Variants in NBAS observed in about 807,000 individuals in gnomAD.
NBAS encodes NAG/BC035112 fusion.
A neutral mutation model predicts 302.5 loss-of-function variants in NBAS; 219 were observed. The observed-to-expected ratio is 0.72, with a 90% CI of 0.65 to 0.81. NBAS has a LOEUF of 0.81. Among genes scored for constraint, NBAS ranks in the 30% least tolerant of loss-of-function variants. The pLI is 0.00. For synonymous variants in NBAS, 1,118 were observed against 1,021.6 expected (o/e 1.09, Z -1.80); for missense variants, 2,932 against 2,841.6 (o/e 1.03, Z -0.72).
intron 37 of NBAS, 138 bp from the exon 38 acceptor site, chr2:15,328,008 A>G: frequency 7.4e-7 from 1 of 1,351,038 alleles, no homozygotes; most frequent in East Asian, 2.4e-5. Context: ...ATGTTATTTT[A>G]TGAAACATTT....
chr2:15,048,344 G>T, the NBAS span, among the ~76,000 whole-genome samples: 1 of 152,230 alleles, frequency 6.6e-6, no homozygotes, highest in South Asian at 2.1e-4. Context: ...CCCAGGCCCA[G>T]GTGGGAAACA....
At chr2:15,367,375 T>C (rs886605985) in intron 31 of NBAS, among the ~76,000 whole-genome samples, 1 of 152,130 alleles carries the variant, frequency 6.6e-6, no homozygotes, top group African/African-American at 2.4e-5. Context: ...AACACAGCAC[T>C]GCCAGGGAGG....
the NBAS span, among the ~76,000 whole-genome samples, chr2:15,101,797 C>T: frequency 6.6e-6 from 1 of 152,184 alleles, no homozygotes; most frequent in Non-Finnish European, 1.5e-5. Flanking sequence ...AACTCATTTT[C>T]CTGCATTCTA....
chr2:15,147,861 G>A, the NBAS span, among the ~76,000 whole-genome samples: 14 of 151,348 alleles, frequency 9.3e-5, no homozygotes, highest in South Asian at 2.1e-3. Flanking sequence ...GTCTCCTGTC[G>A]AGTTTAAGAC....
At chr2:15,138,672 A>T in the NBAS span, among the ~76,000 whole-genome samples, 1 of 151,864 alleles carries the variant, frequency 6.6e-6, no homozygotes, top group Non-Finnish European at 1.5e-5. Context: ...GAGTCTTCAA[A>T]CAAATAATTA....
chr2:15,330,229 T>C (rs1672261596), intron 36 of NBAS, among the ~76,000 whole-genome samples: 1 of 152,202 alleles, frequency 6.6e-6, no homozygotes, highest in Admixed American at 6.5e-5. Flanking sequence ...CAAGAATCTG[T>C]TCAACTGTTC....
chr2:14,808,748 C>T, the NBAS span, among the ~76,000 whole-genome samples: 3 of 152,116 alleles, frequency 2.0e-5, no homozygotes, highest in Non-Finnish European at 2.9e-5. Context: ...AAATGGATAA[C>T]AAGTAGAGAT....
intron 48 of NBAS, among the ~76,000 whole-genome samples, chr2:15,206,538 A>G (rs1454221065): frequency 6.6e-6 from 1 of 152,236 alleles, no homozygotes; most frequent in Non-Finnish European, 1.5e-5. Flanking sequence ...TCTCCAGGGC[A>G]TGTCAGAGAT....
At chr2:14,821,412 C>T in the NBAS span, among the ~76,000 whole-genome samples, 3 of 152,204 alleles carry the variant, frequency 2.0e-5, no homozygotes, top group Non-Finnish European at 4.4e-5. Context: ...AATCTCTTGA[C>T]TACTTGATGC....
intron 30 of NBAS, among the ~76,000 whole-genome samples, chr2:15,379,313 G>C (rs931009992): frequency 1.3e-5 from 2 of 150,962 alleles, no homozygotes; most frequent in Non-Finnish European, 2.9e-5. Flanking sequence ...TTCAGAACTT[G>C]AATTTATAGG....
rs542935170 is a variant in NBAS, at chr2:15,328,240, G to C, written c.4420C>G (p.Pro1474Ala). The C allele has an allele frequency of 1.9e-5, 30 of 1,613,914 alleles. No homozygotes were observed. The highest frequency in any genetic ancestry group is 2.5e-5 in the Non-Finnish European group (29 of 1,179,902). ...NEDLEKQGCH[P>A]FYESVISNPF... The stretch of plus-strand genomic sequence containing the variant: ...TTTGAGATGACAGATTCATAAAAAG[G>C]ATGACACCCTTGTTTCTCTAGATCT... The change falls in exon 37 of 52, where the codon CCT becomes GCT. Residue 1474 changes from proline (P) to alanine (A), a missense_variant. Physicochemically the swap from Pro to Ala is conservative, Grantham distance 27 (BLOSUM62 -1). Coordinates refer to ENST00000281513, the MANE Select transcript of NBAS (RefSeq NM_015909.4).
the NBAS span, among the ~76,000 whole-genome samples, chr2:15,083,513 G>A: frequency 6.6e-6 from 1 of 152,202 alleles, no homozygotes; most frequent in Non-Finnish European, 1.5e-5. Flanking sequence ...TTCTAAAACT[G>A]AAAATTGTTG....
chr2:15,025,126 T>C, the NBAS span, among the ~76,000 whole-genome samples: 2 of 152,208 alleles, frequency 1.3e-5, no homozygotes, highest in Non-Finnish European at 2.9e-5. Context: ...TAATCCATCT[T>C]GAGTTGATTT....
chr2:14,833,357 A>G, the NBAS span, among the ~76,000 whole-genome samples: 2 of 152,126 alleles, frequency 1.3e-5, no homozygotes, highest in Admixed American at 6.6e-5. Context: ...AACTATAGAT[A>G]ACGGATCAGA....
intron 28 of NBAS, among the ~76,000 whole-genome samples, chr2:15,392,813 C>T (rs927999172): frequency 6.6e-6 from 1 of 151,702 alleles, no homozygotes; most frequent in Non-Finnish European, 1.5e-5. Flanking sequence ...AACAAAACAA[C>T]TTTGGGGGAA....
At chr2:15,159,922 G>C in the NBAS span, among the ~76,000 whole-genome samples, 3 of 151,950 alleles carry the variant, frequency 2.0e-5, no homozygotes, top group Non-Finnish European at 4.4e-5. Context: ...ATGCAATTTG[G>C]GGATATTGTT....
chr2:15,261,771 T>G (rs534044404), intron 44 of NBAS, among the ~76,000 whole-genome samples: 33 of 152,318 alleles, frequency 2.2e-4, no homozygotes, highest in African/African-American at 7.5e-4. Flanking sequence ...AATAAATACA[T>G]CTATTGTTAT....
chr2:15,018,407 T>C, the NBAS span, among the ~76,000 whole-genome samples: 36 of 151,960 alleles, frequency 2.4e-4, no homozygotes, highest in African/African-American at 8.2e-4. Flanking sequence ...CAAAAATACA[T>C]ACAATTATTA....
At chr2:15,145,397 T>TTGTG in the NBAS span, among the ~76,000 whole-genome samples, 4 of 90,806 alleles carry the variant, frequency 4.4e-5, no homozygotes, top group East Asian at 7.1e-4. Flanking sequence ...ATGTGTTTGT[T>TTGTG]TGTATGTGTG....
Sources: gnomAD v4.1 joint callset for allele counts (sites outside exome capture counted in the v4.1 genomes callset) on GRCh38, gnomAD v4.1.1 for gene constraint, MANE v1.5 for transcripts, NCBI Gene and HGNC (gene_info 2026-07-23, HGNC 2026-07-21) for gene names.